Variants in SLC39A14 observed in about 807,000 individuals in gnomAD.
SLC39A14 encodes solute carrier family 39 member 14.
Under a neutral mutation model 45.5 loss-of-function variants are expected in SLC39A14, and 19 were observed. That is an observed-to-expected ratio of 0.42 (90% CI 0.29 to 0.61). SLC39A14 has a LOEUF of 0.61. SLC39A14 is among the 20% of genes least tolerant of loss of function. SLC39A14 has a pLI of 0.22. For synonymous variants in SLC39A14, 264 were observed against 251.3 expected (o/e 1.05, Z -0.48); for missense variants, 447 against 616.5 (o/e 0.73, Z 2.91).
intron 8 of SLC39A14, 101 bp from the exon 9 acceptor site, chr8:22,419,446 ATTTTC>A: frequency 8.6e-7 from 1 of 1,160,160 alleles, no homozygotes; most frequent in Non-Finnish European, 1.2e-6. Context: ...GGCCCTGATA[ATTTTC>A]TTTGTCAACC....
At chr8:22,391,838 G>A (rs889049890) in intron 1 of SLC39A14, among the ~76,000 whole-genome samples, 1 of 152,170 alleles carries the variant, frequency 6.6e-6, no homozygotes, top group Admixed American at 6.5e-5. Flanking sequence ...AAAGTGCTGG[G>A]ATTACGGGCA....
At chr8:22,422,915 C>G (rs964640027), downstream of SLC39A14, among the ~76,000 whole-genome samples, 1 of 152,104 alleles carries the variant, frequency 6.6e-6, no homozygotes, top group Non-Finnish European at 1.5e-5. Context: ...CCTCCACCTC[C>G]TGGGTTCAAG....
chr8:22,425,883 G>GTTTTTTTTTTTT (rs72023394), downstream of SLC39A14, among the ~76,000 whole-genome samples: 3 of 140,964 alleles, frequency 2.1e-5, no homozygotes, highest in Non-Finnish European at 4.6e-5. Context: ...GCTCTAGATG[G>GTTTTTTTTTTTT]TTTTTGTTTT....
chr8:22,433,341 T>C (rs1836496113), intron 8 of SLC39A14, among the ~76,000 whole-genome samples: 1 of 152,076 alleles, frequency 6.6e-6, no homozygotes, highest in Admixed American at 6.6e-5. Context: ...ATTAATATTT[T>C]CTTGAGGTCT....
intron 3 of SLC39A14, among the ~76,000 whole-genome samples, chr8:22,411,275 C>T (rs910987658): frequency 6.6e-6 from 1 of 152,182 alleles, no homozygotes; most frequent in East Asian, 1.9e-4. Context: ...TCTTTTGGGC[C>T]TGGACAGAGT....
intron 1 of SLC39A14, chr8:22,393,219 T>G: frequency 4.1e-6 from 4 of 985,802 alleles, no homozygotes; most frequent in Non-Finnish European, 4.8e-6. Flanking sequence ...AGGAAGATAA[T>G]GCATCCTTTC....
intron 2 of SLC39A14, among the ~76,000 whole-genome samples, chr8:22,407,036 C>T (rs908303599): frequency 2.0e-5 from 3 of 152,186 alleles, no homozygotes; most frequent in African/African-American, 2.4e-5. Flanking sequence ...TCGTGAGAAG[C>T]GCTTACCTGC....
intron 1 of SLC39A14, among the ~76,000 whole-genome samples, chr8:22,372,480 C>T (rs543777897): frequency 6.6e-6 from 1 of 152,274 alleles, no homozygotes; most frequent in South Asian, 2.1e-4. Context: ...AACCAACACA[C>T]ATATCACCCT....
At chr8:22,414,689 T>C in intron 4 of SLC39A14, 91 bp from the exon 5 acceptor site, 4 of 1,378,596 alleles carry the variant, frequency 2.9e-6, no homozygotes, top group Non-Finnish European at 3.9e-6. Context: ...TCTCCTTTCC[T>C]AGAGTCAAGG....
At chr8:22,431,449 A>G (rs1159222891) in intron 8 of SLC39A14, among the ~76,000 whole-genome samples, 2 of 152,258 alleles carry the variant, frequency 1.3e-5, no homozygotes, top group Non-Finnish European at 2.9e-5. Context: ...GGCTTCATAT[A>G]AATAGAAACT....
chr8:22,426,023 G>T (rs1272095142), downstream of SLC39A14, among the ~76,000 whole-genome samples: 1 of 151,818 alleles, frequency 6.6e-6, no homozygotes, highest in African/African-American at 2.4e-5. Flanking sequence ...TTACCAAGTA[G>T]CTGGGATTAT....
chr8:22,417,628 C>G (rs747520653), intron 7 of SLC39A14, 23 bp from the exon 8 acceptor site: 1 of 1,605,684 alleles, frequency 6.2e-7, no homozygotes, highest in South Asian at 1.1e-5. Flanking sequence ...TCGTCCCTCC[C>G]CTTTTCATTC....
chr8:22,395,383 A>C (rs1444612359), intron 1 of SLC39A14, among the ~76,000 whole-genome samples: 1 of 152,110 alleles, frequency 6.6e-6, no homozygotes, highest in Non-Finnish European at 1.5e-5. Context: ...TTTTTGGTTT[A>C]AGTTTTCTTG....
chr8:22,408,050 T>C (rs1835331360), intron 2 of SLC39A14, among the ~76,000 whole-genome samples: 1 of 152,230 alleles, frequency 6.6e-6, no homozygotes, highest in South Asian at 2.1e-4. Context: ...CCAAAGTTTC[T>C]CAGGCACTCA....
intron 1 of SLC39A14, among the ~76,000 whole-genome samples, chr8:22,375,531 G>C (rs1833168731): frequency 6.6e-6 from 1 of 151,780 alleles, no homozygotes; most frequent in African/African-American, 2.4e-5. Context: ...TGTTGCCCAG[G>C]CTGGAGTGCA....
At chr8:22,430,463 A>G (rs1836449737) in intron 8 of SLC39A14, among the ~76,000 whole-genome samples, 1 of 152,194 alleles carries the variant, frequency 6.6e-6, no homozygotes, top group Non-Finnish European at 1.5e-5. Flanking sequence ...AGGGGGAGGA[A>G]GTTGACAGGA....
At chr8:22,426,807 C>T (rs1309010767), downstream of SLC39A14, among the ~76,000 whole-genome samples, 1 of 152,008 alleles carries the variant, frequency 6.6e-6, no homozygotes, top group Non-Finnish European at 1.5e-5. Flanking sequence ...CCTCAGCCTC[C>T]GAAGTAGCTG....
chr8:22,425,896 T>G (rs1458567779), downstream of SLC39A14, among the ~76,000 whole-genome samples: 1 of 138,716 alleles, frequency 7.2e-6, no homozygotes, highest in Non-Finnish European at 1.6e-5. Flanking sequence ...TTTGTTTTTT[T>G]TTTGTTTTTT....
chr8:22,400,074 C>T (rs750706163), intron 1 of SLC39A14, among the ~76,000 whole-genome samples: 3 of 151,530 alleles, frequency 2.0e-5, no homozygotes, highest in Non-Finnish European at 2.9e-5. Context: ...TGTTAGACAT[C>T]GGGAAAGATC....
Sources: gnomAD v4.1 joint callset for allele counts (sites outside exome capture counted in the v4.1 genomes callset) on GRCh38, gnomAD v4.1.1 for gene constraint, MANE v1.5 for transcripts, NCBI Gene and HGNC (gene_info 2026-07-23, HGNC 2026-07-21) for gene names.